UGT1A3: variants seen among roughly 807,000 people sequenced by gnomAD.
The protein encoded by UGT1A3 is UDP glucuronosyltransferase family 1 member A3.
UGT1A3 carries 31 observed loss-of-function variants against 41.0 expected under a neutral mutation model. The observed-to-expected ratio is 0.76, with a 90% CI of 0.57 to 1.02. UGT1A3 has a LOEUF of 1.02. Among genes scored for constraint, UGT1A3 ranks in the 50% least tolerant of loss-of-function variants. The pLI is 0.00. For missense variants in UGT1A3, 737 were observed against 671.0 expected, an observed-to-expected ratio of 1.10 and a Z score of -1.09; for synonymous variants, 262 against 257.6, an observed-to-expected ratio of 1.02 and a Z score of -0.17.
chr2:233,767,641 T>G (rs941477411), intron 2 of UGT1A3, among the ~76,000 whole-genome samples: 5 of 152,170 alleles, frequency 3.3e-5, no homozygotes, highest in African/African-American at 1.2e-4. Flanking sequence ...TATCACAAAT[T>G]CACGTAGTGC....
rs115332590 is a variant in UGT1A3 at position 233,732,850 on chromosome 2, G to T, written c.867+2857G>T. Among the ~76,000 whole-genome samples the T allele has an allele frequency of 7.9e-3, 1,186 of 150,004 alleles. 18 individuals carry two copies. Among genetic ancestry groups the T allele is most frequent in the African/African-American group, 0.025 (998 of 40,660 alleles). On this transcript the variant is annotated intron_variant, in intron 1 of 4. Coordinates refer to ENST00000482026, the MANE Select transcript of UGT1A3 (RefSeq NM_019093.4). ...AAGTAGTTTTTTCCAATTTTGTGAA[G>T]TCATTGGTAGCTTGATGGGTTTGGC...
At chr2:233,732,759 T>C (rs1404130009) in intron 1 of UGT1A3, among the ~76,000 whole-genome samples, 2 of 151,674 alleles carry the variant, frequency 1.3e-5, no homozygotes, top group Non-Finnish European at 2.9e-5. Context: ...AGCTTTGTTT[T>C]TTTTTTTTTT....
chr2:233,762,113 A>C (rs1697972454), intron 1 of UGT1A3, among the ~76,000 whole-genome samples: 1 of 152,166 alleles, frequency 6.6e-6, no homozygotes, highest in Non-Finnish European at 1.5e-5. Flanking sequence ...TCCGCTTCAC[A>C]TCATGAGCCA....
At chr2:233,744,159 G>A (rs958752952) in intron 1 of UGT1A3, 17 of 293,374 alleles carry the variant, frequency 5.8e-5, no homozygotes, top group African/African-American at 2.9e-4. Context: ...ACCAGGCCCC[G>A]CCCACTCCGG....
At chr2:233,734,623 T>A (rs2078542439) in intron 1 of UGT1A3, among the ~76,000 whole-genome samples, 1 of 152,236 alleles carries the variant, frequency 6.6e-6, no homozygotes, top group African/African-American at 2.4e-5. Flanking sequence ...TGATTTTAGA[T>A]CTTTCCTGCT....
At chr2:233,754,396 G>A (rs1026750148) in intron 1 of UGT1A3, 5 of 330,592 alleles carry the variant, frequency 1.5e-5, no homozygotes, top group East Asian at 7.7e-5. Context: ...GGTCCTATCC[G>A]TGCAGTCCCA....
intron 1 of UGT1A3, among the ~76,000 whole-genome samples, chr2:233,747,024 C>T (rs773156337): frequency 2.0e-5 from 3 of 151,838 alleles, no homozygotes; most frequent in South Asian, 2.1e-4. Flanking sequence ...CGGTCTTTCC[C>T]GAAGTGGGAC....
In UGT1A3 at chr2:233,767,150, C is replaced by A. The variant is rs1699320624; in HGVS notation, c.984C>A (p.Gly328=). 4 of 1,613,942 alleles carry A rather than the reference C, an allele frequency of 2.5e-6. No individual in the cohort carries two copies. The highest frequency in any genetic ancestry group is 1.6e-4 in the Middle Eastern group (1 of 6,082). Residue 328 remains glycine (G), a synonymous_variant, in exon 2 of 5, where the codon GGC becomes GGA. Coordinates refer to ENST00000482026, the MANE Select transcript of UGT1A3 (RefSeq NM_019093.4). The part of the protein sequence containing the change: ...KKAMAIADAL[G]KIPQTVLWRY... ...CTATGGCAATTGCTGATGCTTTGGG[C>A]AAAATCCCTCAGACAGTAAGAAGAT...
intron 1 of UGT1A3, among the ~76,000 whole-genome samples, chr2:233,734,366 T>C (rs578211263): frequency 4.6e-5 from 7 of 152,208 alleles, no homozygotes; most frequent in Non-Finnish European, 1.0e-4. Flanking sequence ...GGATCGGTGG[T>C]GATATTGCCT....
At chr2:233,764,755 C>T (rs1698636396) in intron 1 of UGT1A3, among the ~76,000 whole-genome samples, 1 of 152,062 alleles carries the variant, frequency 6.6e-6, no homozygotes, top group Non-Finnish European at 1.5e-5. Context: ...TGGTGCAGAC[C>T]CTAGGGAGGA....
intron 1 of UGT1A3, chr2:233,756,091 C>T (rs1221587010): frequency 6.6e-6 from 1 of 152,178 alleles, no homozygotes; most frequent in Non-Finnish European, 1.5e-5. Flanking sequence ...AATCAAGTAA[C>T]ATTATTACGG....
chr2:233,760,564 G>C, intron 1 of UGT1A3: 1 of 1,614,242 alleles, frequency 6.2e-7, no homozygotes, highest in Non-Finnish European at 8.5e-7. Context: ...AGAGTCTTTT[G>C]TTAGTCTCGG....
rs1575628986 is a variant in UGT1A3 at position 233,739,340 on chromosome 2, A to AT, written c.867+9347_867+9348insT. 3.9e-5 allele frequency among the ~76,000 whole-genome samples: 6 copies of AT among 152,276 alleles called. No individual in the cohort carries two copies. In the East Asian group the frequency reaches 5.8e-4, roughly 15 times the overall value. On this transcript the variant is annotated intron_variant, in intron 1 of 4. Coordinates refer to ENST00000482026, the MANE Select transcript of UGT1A3 (RefSeq NM_019093.4). Reference sequence around the variant, plus strand: ...GAGAAGAAGGCCACAGTCCTTCAGAACCCAGAAGGGCAGATCCAATAGCTT... The same window carrying AT: ...GAGAAGAAGGCCACAGTCCTTCAGAATCCCAGAAGGGCAGATCCAATAGCTT...
In UGT1A3 at chr2:233,729,155, C is replaced by A; in HGVS notation, c.29C>A (p.Pro10Gln). The change falls in exon 1 of 5, where the codon CCG (proline) becomes CAG (glutamine). Residue 10 changes from proline (P) to glutamine (Q), a missense_variant. Physicochemically the swap from Pro to Gln is moderately conservative, Grantham distance 76 (BLOSUM62 -1). Transcript: ENST00000482026. Reference sequence around the variant, plus strand: ...GCCACAGGACTCCAGGTTCCCCTGCCGTGGCTGGCCACAGGACTGCTGCTT... The same window carrying A: ...GCCACAGGACTCCAGGTTCCCCTGCAGTGGCTGGCCACAGGACTGCTGCTT... MATGLQVPL[P>Q]WLATGLLLLL... The A allele has an allele frequency of 6.2e-7, 1 of 1,613,596 alleles. No homozygotes were observed. The highest frequency in any genetic ancestry group is 8.5e-7 in the Non-Finnish European group (1 of 1,179,896).
chr2:233,744,031 A>G, intron 1 of UGT1A3: 1 of 839,512 alleles, frequency 1.2e-6, no homozygotes. Flanking sequence ...GACGCCCCTT[A>G]TGACGCAGCC....
chr2:233,743,661 G>T, intron 1 of UGT1A3: 1 of 1,367,236 alleles, frequency 7.3e-7, no homozygotes, highest in Non-Finnish European at 9.8e-7. Flanking sequence ...TACTCGAAGG[G>T]GTCCTCGAAG....
At chr2:233,746,301 T>C (rs1399652161) in intron 1 of UGT1A3, among the ~76,000 whole-genome samples, 3 of 151,760 alleles carry the variant, frequency 2.0e-5, no homozygotes, top group African/African-American at 7.3e-5. Flanking sequence ...TTTGTTTCCC[T>C]TGGAGGGCCC....
At chr2:233,748,012 G>C (rs911822936) in intron 1 of UGT1A3, 2 of 1,613,354 alleles carry the variant, frequency 1.2e-6, no homozygotes, top group Non-Finnish European at 1.7e-6. Context: ...GATTACCCCA[G>C]GCCGATCATG....
At chr2:233,768,719 A>G (rs553176637) in intron 4 of UGT1A3, among the ~76,000 whole-genome samples, 366 of 149,864 alleles carry the variant, frequency 2.4e-3, no homozygotes, top group African/African-American at 8.5e-3. Flanking sequence ...TGTAGCTGGG[A>G]TTACAGGTGT....
Sources: allele counts gnomAD v4.1 joint callset (sites outside exome capture counted in the v4.1 genomes callset), GRCh38; gene constraint gnomAD v4.1.1; transcripts MANE v1.5; gene names NCBI Gene and HGNC (gene_info 2026-07-23, HGNC 2026-07-21).